The following PDPN variants were observed in gnomAD, a reference collection of about 807,000 sequenced individuals.
The protein encoded by PDPN is PA2.26 antigen.
In PDPN, 12 loss-of-function variants were observed where a neutral mutation model predicts 23.2. The ratio of observed to expected loss-of-function variants is 0.52; its 90% CI spans 0.33 to 0.84. The LOEUF is 0.84. PDPN is among the 40% of genes least tolerant of loss of function. The probability of loss-of-function intolerance (pLI) is 0.02; values close to 1 mark genes in which losing one functional copy is unlikely to be tolerated. For missense variants in PDPN, 199 were observed against 212.2 expected (o/e 0.94, Z 0.39); for synonymous variants, 77 against 76.7 (o/e 1.00, Z -0.02).
intron 1 of PDPN, among the ~76,000 whole-genome samples, chr1:13,598,432 C>T (rs1640553205): frequency 6.6e-6 from 1 of 152,134 alleles, no homozygotes; most frequent in Admixed American, 6.6e-5. Flanking sequence ...AACCCCTCTC[C>T]ACTGTCTTTC....
At chr1:13,593,639 G>A (rs1405654761) in intron 1 of PDPN, among the ~76,000 whole-genome samples, 1 of 152,130 alleles carries the variant, frequency 6.6e-6, no homozygotes, top group Non-Finnish European at 1.5e-5. Flanking sequence ...AGCTGCGTGG[G>A]GTGGACGGTG....
At chr1:13,605,694 C>T (rs942617006) in intron 1 of PDPN, among the ~76,000 whole-genome samples, 1 of 152,142 alleles carries the variant, frequency 6.6e-6, no homozygotes, top group Admixed American at 6.5e-5. Flanking sequence ...GTGATCTTGG[C>T]TCACTGCAAC....
At chr1:13,610,541 G>A (rs777628010) in intron 3 of PDPN, 25 bp downstream of exon 3, 21 of 1,606,784 alleles carry the variant, frequency 1.3e-5, no homozygotes, top group Non-Finnish European at 1.6e-5. Context: ...CACCTCCATG[G>A]GGGCTGATCT....
At chr1:13,587,984 C>T (rs911115099) in intron 1 of PDPN, among the ~76,000 whole-genome samples, 5 of 152,178 alleles carry the variant, frequency 3.3e-5, no homozygotes, top group African/African-American at 4.8e-5. Context: ...TTGAGAATTG[C>T]TCAGAGATGG....
intron 4 of PDPN, 141 bp from the exon 5 acceptor site, chr1:13,614,159 A>T: frequency 3.4e-6 from 2 of 588,734 alleles, no homozygotes; most frequent in Non-Finnish European, 6.0e-6. Context: ...CTCCTTTTGG[A>T]AGAAATGCTC....
chr1:13,593,570 G>A (rs1220467650), intron 1 of PDPN, among the ~76,000 whole-genome samples: 1 of 152,188 alleles, frequency 6.6e-6, no homozygotes, highest in African/African-American at 2.4e-5. Flanking sequence ...AGTGGAAACG[G>A]CCACATTCTG....
At chr1:13,610,947 C>G (rs961581425) in intron 3 of PDPN, among the ~76,000 whole-genome samples, 1 of 152,232 alleles carries the variant, frequency 6.6e-6, no homozygotes, top group Non-Finnish European at 1.5e-5. Context: ...CTCCGCCTGG[C>G]GCGGTGGCTC....
chr1:13,584,562 G>A (rs773121814), intron 1 of PDPN, among the ~76,000 whole-genome samples: 6 of 152,224 alleles, frequency 3.9e-5, no homozygotes, highest in Admixed American at 3.3e-4. Context: ...CCCGCCCTGC[G>A]GTGGCCCTGG....
intron 1 of PDPN, among the ~76,000 whole-genome samples, chr1:13,598,232 G>T (rs1248622106): frequency 6.6e-6 from 1 of 151,986 alleles, no homozygotes; most frequent in Admixed American, 6.6e-5. Flanking sequence ...GGCCAGACTG[G>T]TCGCTAACCC....
At chr1:13,608,420 A>G (rs544019395) in intron 2 of PDPN, among the ~76,000 whole-genome samples, 81 of 152,334 alleles carry the variant, frequency 5.3e-4, no homozygotes, top group Non-Finnish European at 8.7e-4. Flanking sequence ...CCTGTACACC[A>G]GCATCTCCTT....
intron 1 of PDPN, among the ~76,000 whole-genome samples, chr1:13,606,783 C>G (rs985246459): frequency 3.3e-5 from 5 of 152,274 alleles, no homozygotes; most frequent in Middle Eastern, 3.4e-3. Context: ...CCTGTTGACT[C>G]TAATTTAGAG....
intron 1 of PDPN, among the ~76,000 whole-genome samples, chr1:13,590,355 CAT>C (rs1424770357): frequency 1.3e-5 from 2 of 152,196 alleles, no homozygotes; most frequent in East Asian, 3.9e-4. Flanking sequence ...GTTTTCTACA[CAT>C]GTAGAAAGAA....
intron 1 of PDPN, among the ~76,000 whole-genome samples, chr1:13,604,605 ATT>A (rs34703290): frequency 6.0e-5 from 9 of 149,594 alleles, no homozygotes; most frequent in South Asian, 2.1e-4. Context: ...TGAGCACTTG[ATT>A]TTTTTTTTTT....
At position 13,611,884 on chromosome 1, in the gene PDPN, A is replaced by C. The variant is rs542199604; in HGVS notation, c.331+1368A>C. ...AAGTTGAGCTAAGCAAAGAAAGAAT[A>C]ATCAATATAAATGATCATTGGAAAA... On this transcript the variant is annotated intron_variant, in intron 3 of 5. Transcript: ENST00000621990. Among the ~76,000 whole-genome samples, 88 of 152,328 alleles carry C rather than the reference A, an allele frequency of 5.8e-4. 1 individual carries two copies. In the South Asian group the frequency reaches 0.017, roughly 29 times the overall value.
chr1:13,612,547 G>A (rs980988294), intron 3 of PDPN, among the ~76,000 whole-genome samples: 1 of 152,112 alleles, frequency 6.6e-6, no homozygotes, highest in Non-Finnish European at 1.5e-5. Flanking sequence ...ATTTGATACC[G>A]TCTTTGTTCT....
chr1:13,588,581 A>G (rs1640243674), intron 1 of PDPN, among the ~76,000 whole-genome samples: 1 of 147,708 alleles, frequency 6.8e-6, no homozygotes, highest in South Asian at 2.1e-4. Flanking sequence ...TATATATAAT[A>G]TAAATATATA....
intron 1 of PDPN, among the ~76,000 whole-genome samples, chr1:13,590,616 TGGGAATAGGCGTGGGCATTGA>T (rs969171319): frequency 2.0e-5 from 3 of 151,876 alleles, no homozygotes; most frequent in African/African-American, 7.3e-5. Context: ...GGGCTTTTTG[TGGGAATAGGCGTGGGCATTGA>T]GGGCTGGCAA....
intron 1 of PDPN, among the ~76,000 whole-genome samples, chr1:13,604,936 C>T (rs772376287): frequency 6.6e-6 from 1 of 152,108 alleles, no homozygotes; most frequent in Non-Finnish European, 1.5e-5. Context: ...CATTTGCATG[C>T]ATGGAAATAT....
chr1:13,613,870 C>CTTTTTTTTTT (rs34784418), intron 4 of PDPN, 145 bp downstream of exon 4: 1 of 211,830 alleles, frequency 4.7e-6, no homozygotes, highest in African/African-American at 3.1e-5. Context: ...AGATTTCAAG[C>CTTTTTTTTTT]TTTTTTTTTT....
Sources: allele counts gnomAD v4.1 joint callset (sites outside exome capture counted in the v4.1 genomes callset), GRCh38; gene constraint gnomAD v4.1.1; transcripts MANE v1.5; gene names NCBI Gene and HGNC (gene_info 2026-07-23, HGNC 2026-07-21).